SAMD4A: variants seen among roughly 807,000 people sequenced by gnomAD.
The protein encoded by SAMD4A is protein Smaug homolog 1.
Under a neutral mutation model 81.3 loss-of-function variants are expected in SAMD4A, and 33 were observed. That is an observed-to-expected ratio of 0.41 (90% CI 0.31 to 0.54). SAMD4A has a LOEUF of 0.54. Ranked by LOEUF, SAMD4A falls within the 20% of genes least tolerant of loss-of-function variation. The pLI is 0.37. For missense variants in SAMD4A, 854 were observed against 951.1 expected (o/e 0.90, Z 1.34); for synonymous variants, 389 against 382.1 (o/e 1.02, Z -0.21).
At chr14:54,626,445 AC>A (rs1296198220) in intron 2 of SAMD4A, among the ~76,000 whole-genome samples, 1 of 152,188 alleles carries the variant, frequency 6.6e-6, no homozygotes, top group East Asian at 1.9e-4. Flanking sequence ...TATCTCTTGC[AC>A]AACAGTGAGT....
At chr14:54,592,514 C>CA (rs2033805755) in intron 2 of SAMD4A, among the ~76,000 whole-genome samples, 1 of 152,108 alleles carries the variant, frequency 6.6e-6, no homozygotes, top group Admixed American at 6.5e-5. Context: ...GGCTGGAGTG[C>CA]AGTGGTGCGA....
At chr14:54,709,525 G>A (rs2140794820) in intron 3 of SAMD4A, among the ~76,000 whole-genome samples, 1 of 152,148 alleles carries the variant, frequency 6.6e-6, no homozygotes, top group South Asian at 2.1e-4. Context: ...AGTGGGTTGG[G>A]ATAGGTTGAA....
chr14:54,784,704 A>C, intron 12 of SAMD4A, 84 bp downstream of exon 12: 3 of 1,214,120 alleles, frequency 2.5e-6, no homozygotes, highest in Non-Finnish European at 3.7e-6. Flanking sequence ...ATACCGTGGC[A>C]GGAGCTCAGG....
chr14:54,647,278 T>C (rs2035306839), intron 2 of SAMD4A, among the ~76,000 whole-genome samples: 1 of 152,232 alleles, frequency 6.6e-6, no homozygotes, highest in Non-Finnish European at 1.5e-5. Flanking sequence ...GTCATCACGT[T>C]TAATCATCAC....
At chr14:54,688,283 C>T (rs540058466) in intron 2 of SAMD4A, 18 of 985,418 alleles carry the variant, frequency 1.8e-5, no homozygotes, top group African/African-American at 7.0e-5. Flanking sequence ...AACGGTTCTC[C>T]GGAGCAACCG....
At chr14:54,679,380 AT>A (rs1472943656) in intron 2 of SAMD4A, among the ~76,000 whole-genome samples, 1 of 152,244 alleles carries the variant, frequency 6.6e-6, no homozygotes, top group Non-Finnish European at 1.5e-5. Context: ...ATTATGAGAA[AT>A]GAATTATATG....
At chr14:54,577,457 C>A (rs1365165146) in intron 2 of SAMD4A, among the ~76,000 whole-genome samples, 2 of 152,152 alleles carry the variant, frequency 1.3e-5, no homozygotes, top group Non-Finnish European at 2.9e-5. Context: ...GAATCATGAT[C>A]AAAATATTTG....
chr14:54,785,892 G>A (rs1296275525), intron 12 of SAMD4A, among the ~76,000 whole-genome samples: 1 of 152,204 alleles, frequency 6.6e-6, no homozygotes, highest in African/African-American at 2.4e-5. Context: ...GGAAGACACA[G>A]CCCCTTCTGT....
chr14:54,631,833 CT>C lies in SAMD4A; in HGVS notation c.196+63724del, dbSNP rs561217874. 5.4e-4 allele frequency among the ~76,000 whole-genome samples: 83 copies of C among 152,314 alleles called. 1 individual carries two copies. The highest frequency in any genetic ancestry group is 1.9e-3 in the African/African-American group (79 of 41,574). On this transcript the variant is annotated intron_variant, in intron 2 of 12. Transcript: ENST00000554335. ...AAATCCCTTGGGACATACATAGCTTCTTTATACTAAGAAACTTAAGTGTTGG... is the reference window on the plus strand; with the variant it reads ...AAATCCCTTGGGACATACATAGCTTCTTATACTAAGAAACTTAAGTGTTGG...
rs1300371845 is a variant in SAMD4A at position 54,567,872 on chromosome 14, T to G, written c.-45T>G. 1.9e-6 allele frequency: 3 copies of G among 1,554,214 alleles called. No homozygotes were observed. The highest frequency in any genetic ancestry group is 2.8e-5 in the African/African-American group (2 of 71,388). On this transcript the variant is annotated 5_prime_UTR_variant, in exon 2 of 13. Coordinates refer to ENST00000554335, the MANE Select transcript of SAMD4A (RefSeq NM_015589.6). Reference sequence around the variant, plus strand: ...AAACTTTGGGGCGGGCGGGGCGGGCTGGGGCGCCCAGGGGGCTCTGTAGAC... The same window carrying G: ...AAACTTTGGGGCGGGCGGGGCGGGCGGGGGCGCCCAGGGGGCTCTGTAGAC...
At chr14:54,766,217 G>A (rs960564572) in intron 8 of SAMD4A, among the ~76,000 whole-genome samples, 14 of 152,018 alleles carry the variant, frequency 9.2e-5, no homozygotes, top group Non-Finnish European at 1.5e-4. Context: ...TTTCTATTTC[G>A]AATCCTGACA....
chr14:54,669,013 G>C (rs2035814907), intron 2 of SAMD4A, among the ~76,000 whole-genome samples: 1 of 152,258 alleles, frequency 6.6e-6, no homozygotes, highest in Admixed American at 6.5e-5. Flanking sequence ...CCATAGAGCA[G>C]AGGACATTTA....
At chr14:54,673,289 C>T (rs2035924407) in intron 2 of SAMD4A, among the ~76,000 whole-genome samples, 1 of 152,226 alleles carries the variant, frequency 6.6e-6, no homozygotes, top group African/African-American at 2.4e-5. Flanking sequence ...CTTTCACGCT[C>T]AGGCCTAAAG....
intron 2 of SAMD4A, among the ~76,000 whole-genome samples, chr14:54,628,158 A>T (rs574339929): frequency 1.3e-5 from 2 of 152,202 alleles, no homozygotes; most frequent in African/African-American, 4.8e-5. Flanking sequence ...ACCCTGTAAG[A>T]GTAACTGGTT....
intron 3 of SAMD4A, chr14:54,703,639 G>A (rs1222035719): frequency 3.9e-5 from 6 of 152,116 alleles, no homozygotes; most frequent in South Asian, 2.1e-4. Context: ...AGGCCTAGGC[G>A]GGCAGATCAC....
chr14:54,716,439 A>G (rs1311516009), intron 3 of SAMD4A, among the ~76,000 whole-genome samples: 2 of 152,210 alleles, frequency 1.3e-5, no homozygotes, highest in Non-Finnish European at 2.9e-5. Context: ...GTTAGTACCC[A>G]GGTGAAACAT....
chr14:54,724,486 C>T (rs73273337), intron 3 of SAMD4A, among the ~76,000 whole-genome samples: 30,576 of 152,084 alleles, frequency 0.2, 4,144 homozygotes, highest in African/African-American at 0.38. Context: ...GCCAAGAAGC[C>T]GACACATAGT....
At chr14:54,766,321 C>G (rs557841826) in intron 8 of SAMD4A, among the ~76,000 whole-genome samples, 1 of 152,262 alleles carries the variant, frequency 6.6e-6, no homozygotes, top group South Asian at 2.1e-4. Flanking sequence ...TAGATACTTA[C>G]TGAGCACCTA....
intron 2 of SAMD4A, among the ~76,000 whole-genome samples, chr14:54,618,353 C>A (rs1379529287): frequency 6.6e-6 from 1 of 152,166 alleles, no homozygotes; most frequent in African/African-American, 2.4e-5. Flanking sequence ...CCCTCTGCCC[C>A]ATGAGAACCA....
Sources: gnomAD v4.1 joint callset for allele counts (sites outside exome capture counted in the v4.1 genomes callset) on GRCh38, gnomAD v4.1.1 for gene constraint, MANE v1.5 for transcripts, NCBI Gene and HGNC (gene_info 2026-07-23, HGNC 2026-07-21) for gene names.